ANKRD11: variants seen among roughly 807,000 people sequenced by gnomAD.
ANKRD11 encodes the protein ankyrin repeat domain 11.
A neutral mutation model predicts 195.7 loss-of-function variants in ANKRD11; 17 were observed. The observed-to-expected ratio is 0.09, with a 90% confidence interval of 0.06 to 0.13. The LOEUF is 0.13. Among genes scored for constraint, ANKRD11 ranks in the 10% least tolerant of loss-of-function variants. The pLI, the probability that ANKRD11 is intolerant of heterozygous loss-of-function variation, is 1.00. For synonymous variants in ANKRD11, 1,953 were observed against 1,528.1 expected (o/e 1.28, Z -6.49); for missense variants, 3,735 against 3,566.1 (o/e 1.05, Z -1.21).
intron 1 of ANKRD11, among the ~76,000 whole-genome samples, chr16:89,419,002 G>T (rs781087317): frequency 6.6e-6 from 1 of 152,016 alleles, no homozygotes; most frequent in African/African-American, 2.4e-5. Flanking sequence ...GATTACAGGC[G>T]TCAGCCACCA....
chr16:89,488,600 C>T (rs1009273112), intron 1 of ANKRD11, among the ~76,000 whole-genome samples: 1 of 152,082 alleles, frequency 6.6e-6, no homozygotes, highest in African/African-American at 2.4e-5. Context: ...TCAGGGTCTC[C>T]GATTTTGAAC....
chr16:89,278,770 C>T, intron 9 of ANKRD11: 2 of 578,128 alleles, frequency 3.5e-6, no homozygotes, highest in Non-Finnish European at 6.6e-6. Flanking sequence ...GGAGAGTGAG[C>T]GGCGTGAAGG....
intron 1 of ANKRD11, among the ~76,000 whole-genome samples, chr16:89,474,583 A>G (rs1468160164): frequency 6.6e-6 from 1 of 152,186 alleles, no homozygotes; most frequent in Non-Finnish European, 1.5e-5. Flanking sequence ...CCAGAAAGGC[A>G]GCACAGGTCA....
chr16:89,347,384 C>A (rs1249359854), intron 2 of ANKRD11, among the ~76,000 whole-genome samples: 1 of 152,192 alleles, frequency 6.6e-6, no homozygotes, highest in East Asian at 1.9e-4. Context: ...CCAAGATAGG[C>A]GGATCACGAG....
At chr16:89,324,335 G>A (rs534162649) in intron 2 of ANKRD11, 1 of 1,194,102 alleles carries the variant, frequency 8.4e-7, no homozygotes, top group East Asian at 5.7e-5. Flanking sequence ...GGGGCGACGT[G>A]GGTGCCTCAC....
chr16:89,275,115 C>G lies in ANKRD11; in HGVS notation c.7547G>C (p.Arg2516Pro). 1 of 1,612,754 alleles carries G rather than the reference C, an allele frequency of 6.2e-7. No individual in the cohort carries two copies. The highest frequency in any genetic ancestry group is 8.5e-7 in the Non-Finnish European group (1 of 1,179,626). The change falls in exon 10 of 13, where the codon CGT (arginine) becomes CCT (proline). Residue 2516 changes from arginine to proline, a missense_variant. Physicochemically the swap from Arg to Pro is moderately radical, Grantham distance 103. Coordinates refer to ENST00000301030, the MANE Select transcript of ANKRD11 (RefSeq NM_013275.6). Reference protein sequence around the residue: ...RQQEAVRGKLRLQHSIEREKL... With the variant: ...RQQEAVRGKLPLQHSIEREKL... Reference sequence around the variant, plus strand: ...TACCCGCTCGATGCTGTGCTGTAGACGCAGCTTTCCCCGGACGGCCTCCTG... The same window carrying G: ...TACCCGCTCGATGCTGTGCTGTAGAGGCAGCTTTCCCCGGACGGCCTCCTG...
chr16:89,384,879 C>CTTTTTTTTTTTTTTTTTTGTTTTTT (rs2040835221), intron 2 of ANKRD11, among the ~76,000 whole-genome samples: 1 of 49,910 alleles, frequency 2.0e-5, no homozygotes, highest in Non-Finnish European at 3.5e-5. Flanking sequence ...AAATAGTTTT[C>CTTTTTTTTTTTTTTTTTTGTTTTTT]TTTTTTTTTT....
chr16:89,296,989 G>T (rs766726554), intron 4 of ANKRD11, among the ~76,000 whole-genome samples: 1 of 152,190 alleles, frequency 6.6e-6, no homozygotes, highest in Non-Finnish European at 1.5e-5. Flanking sequence ...CAGTGTCCAG[G>T]AAGTGTGGCC....
chr16:89,372,243 C>T (rs1305234294), intron 2 of ANKRD11, among the ~76,000 whole-genome samples: 2 of 152,240 alleles, frequency 1.3e-5, no homozygotes, highest in Non-Finnish European at 2.9e-5. Context: ...AAGAGCCACA[C>T]GTCCTCCTGC....
chr16:89,407,311 GA>G (rs908923041), intron 2 of ANKRD11, among the ~76,000 whole-genome samples: 2 of 151,112 alleles, frequency 1.3e-5, no homozygotes, highest in Non-Finnish European at 3.0e-5. Context: ...GGGGGAAAAA[GA>G]AAAAAAAATT....
At chr16:89,399,428 G>C (rs1230447155) in intron 2 of ANKRD11, among the ~76,000 whole-genome samples, 1 of 152,210 alleles carries the variant, frequency 6.6e-6, no homozygotes, top group African/African-American at 2.4e-5. Flanking sequence ...ACGCTGTACG[G>C]TTCCGACTCT....
chr16:89,273,295 A>G (rs1458757331), intron 11 of ANKRD11, among the ~76,000 whole-genome samples: 1 of 152,194 alleles, frequency 6.6e-6, no homozygotes, highest in African/African-American at 2.4e-5. Context: ...TGCTCTGTAC[A>G]GAGCTGTCCT....
chr16:89,386,355 C>G (rs1037555894), intron 2 of ANKRD11, among the ~76,000 whole-genome samples: 3 of 152,126 alleles, frequency 2.0e-5, no homozygotes, highest in Admixed American at 1.3e-4. Flanking sequence ...CAATTCCCAA[C>G]GTTACTCGTG....
chr16:89,441,690 C>T (rs1239086643), intron 1 of ANKRD11, among the ~76,000 whole-genome samples: 1 of 139,468 alleles, frequency 7.2e-6, no homozygotes, highest in Non-Finnish European at 1.5e-5. Flanking sequence ...TGGCATGAAC[C>T]CAGGAGGCGG....
chr16:89,300,741 C>A, intron 4 of ANKRD11: 1 of 581,952 alleles, frequency 1.7e-6, no homozygotes, highest in Non-Finnish European at 3.1e-6. Context: ...AAGCACCTAA[C>A]GCTGAAGGAA....
chr16:89,363,777 C>T (rs968159339), intron 2 of ANKRD11, among the ~76,000 whole-genome samples: 1 of 152,146 alleles, frequency 6.6e-6, no homozygotes. Context: ...GAGTGCTAGC[C>T]CTATGCGGTG....
At chr16:89,294,031 A>G (rs568776116) in intron 4 of ANKRD11, among the ~76,000 whole-genome samples, 7 of 152,200 alleles carry the variant, frequency 4.6e-5, no homozygotes, top group Admixed American at 2.0e-4. Flanking sequence ...CACACCCAAC[A>G]TGTGCAGAAT....
At chr16:89,381,635 A>C (rs2040660693) in intron 2 of ANKRD11, among the ~76,000 whole-genome samples, 1 of 152,226 alleles carries the variant, frequency 6.6e-6, no homozygotes. Context: ...AACATCCCCC[A>C]ACATGCCTGT....
intron 2 of ANKRD11, among the ~76,000 whole-genome samples, chr16:89,392,201 T>G (rs975502946): frequency 6.6e-6 from 1 of 152,234 alleles, no homozygotes. Context: ...TCATTCGGTG[T>G]ACTCTCGTGG....
Sources: gnomAD v4.1 joint callset for allele counts (sites outside exome capture counted in the v4.1 genomes callset) on GRCh38, gnomAD v4.1.1 for gene constraint, MANE v1.5 for transcripts, NCBI Gene and HGNC (gene_info 2026-07-23, HGNC 2026-07-21) for gene names.